Variants in PIBF1 observed in about 807,000 individuals in gnomAD.
The protein encoded by PIBF1 is progesterone immunomodulatory binding factor 1, also known as progesterone-induced-blocking factor 1.
In PIBF1, 90 loss-of-function variants were observed where a neutral mutation model predicts 112.5. The observed-to-expected ratio is 0.80, with a 90% confidence interval of 0.67 to 0.95. The LOEUF is 0.95. PIBF1 is among the 40% of genes least tolerant of loss of function. PIBF1 has a pLI of 0.00. For missense variants in PIBF1, 915 were observed against 852.3 expected, an observed-to-expected ratio of 1.07 and a Z score of -0.92; for synonymous variants, 301 against 288.6, an observed-to-expected ratio of 1.04 and a Z score of -0.44.
intron 14 of PIBF1, among the ~76,000 whole-genome samples, chr13:72,933,480 G>A (rs2041773149): frequency 6.6e-6 from 1 of 152,184 alleles, no homozygotes; most frequent in Non-Finnish European, 1.5e-5. Context: ...TGGCCAACAT[G>A]GTGGAACCCT....
At chr13:72,797,388 C>T (rs1204443044) in intron 4 of PIBF1, among the ~76,000 whole-genome samples, 3 of 152,120 alleles carry the variant, frequency 2.0e-5, no homozygotes, top group Non-Finnish European at 4.4e-5. Flanking sequence ...TGTAGAATAT[C>T]TGTTTGTCAA....
At chr13:72,813,457 G>A (rs551749806) in intron 5 of PIBF1, among the ~76,000 whole-genome samples, 1 of 152,244 alleles carries the variant, frequency 6.6e-6, no homozygotes, top group South Asian at 2.1e-4. Flanking sequence ...TTTATTATTT[G>A]TCACAGCTCT....
chr13:72,931,708 T>G lies in PIBF1; in HGVS notation c.1833+441T>G, dbSNP rs189921947. ...GCTTCTTTTTCTTAGCCTTATGTCA[T>G]TTAAACTACGTATATATATATATAT... On this transcript the variant is annotated intron_variant, in intron 14 of 17. Coordinates refer to ENST00000326291, the MANE Select transcript of PIBF1 (RefSeq NM_006346.4). 7.1e-5 allele frequency among the ~76,000 whole-genome samples: 5 copies of G among 70,268 alleles called. No individual in the cohort carries two copies. In the East Asian group the frequency reaches 2.9e-3, roughly 40 times the overall value. 46.1% of individuals were successfully genotyped at this position (70,268 alleles called of 152,430 possible). A position where few individuals can be genotyped will look rare whatever the true frequency, so the allele number is the denominator to read the frequency against.
At chr13:72,863,808 A>G (rs2038810220) in intron 10 of PIBF1, among the ~76,000 whole-genome samples, 1 of 152,246 alleles carries the variant, frequency 6.6e-6, no homozygotes, top group Non-Finnish European at 1.5e-5. Context: ...CACTATGTAC[A>G]CAATAAAGAT....
chr13:72,851,299 G>A lies in PIBF1; in HGVS notation c.1224-2758G>A, dbSNP rs192342545. ...GGCCTAGGGAGCCCCCTTCCCCCAC[G>A]GGTTCAGAAATGCCTGTTCCCGCTG... On this transcript the variant is annotated intron_variant, in intron 9 of 17. Transcript: ENST00000326291. Among the ~76,000 whole-genome samples the A allele has an allele frequency of 5.7e-3, 875 of 152,282 alleles. 5 individuals carry two copies. Among genetic ancestry groups the A allele is most frequent in the Non-Finnish European group, 9.2e-3 (629 of 68,016 alleles).
chr13:72,816,076 A>T (rs1446966934), intron 5 of PIBF1, among the ~76,000 whole-genome samples: 2 of 152,206 alleles, frequency 1.3e-5, no homozygotes, highest in African/African-American at 4.8e-5. Flanking sequence ...GCCTCCTAAT[A>T]CATCAGTGTA....
intron 7 of PIBF1, among the ~76,000 whole-genome samples, chr13:72,827,379 G>T (rs1041164346): frequency 1.8e-4 from 27 of 150,414 alleles, no homozygotes; most frequent in Non-Finnish European, 3.5e-4. Context: ...CTCCTGAATA[G>T]CTGGGATTAC....
chr13:72,808,342 G>A (rs1806404977), intron 5 of PIBF1, among the ~76,000 whole-genome samples: 1 of 152,096 alleles, frequency 6.6e-6, no homozygotes, highest in African/African-American at 2.4e-5. Flanking sequence ...GGTCACCTTG[G>A]AGTTGATCTC....
At chr13:72,976,190 G>A (rs778576747) in intron 16 of PIBF1, among the ~76,000 whole-genome samples, 1 of 152,148 alleles carries the variant, frequency 6.6e-6, no homozygotes, top group Non-Finnish European at 1.5e-5. Flanking sequence ...TTGAGCACAG[G>A]AGTTTGAGAC....
chr13:72,794,042 A>G (rs1458535750), intron 3 of PIBF1, among the ~76,000 whole-genome samples: 1 of 152,194 alleles, frequency 6.6e-6, no homozygotes. Flanking sequence ...GTACTCCAAC[A>G]TTAAGACAAA....
rs1223371283 is a variant in PIBF1 at position 72,835,244 on chromosome 13, G to C, written c.1099G>C (p.Asp367His). 4.5e-6 allele frequency: 7 copies of C among 1,558,194 alleles called. No individual in the cohort carries two copies. The highest frequency in any genetic ancestry group is 6.0e-6 in the Non-Finnish European group (7 of 1,159,794). ...GTTGTTCCTTTTCACTCCTTGCAGA[G>C]ACCATTATAAAACAGAATATGAAAA... ...EMYEKYVASR[D>H]HYKTEYENKL... Residue 367 changes from aspartate (D) to histidine (H), a missense_variant and splice_region_variant, in exon 9 of 18, where the codon GAC becomes CAC. Physicochemically the swap from Asp to His is moderately conservative, Grantham distance 81. Coordinates refer to ENST00000326291, the MANE Select transcript of PIBF1 (RefSeq NM_006346.4).
At position 72,871,593 on chromosome 13, in the gene PIBF1, C is replaced by T. The variant is rs112755988; in HGVS notation, c.1322+17438C>T. 7.2e-3 allele frequency among the ~76,000 whole-genome samples: 1,091 copies of T among 152,212 alleles called. 23 individuals carry two copies. Among genetic ancestry groups the T allele is most frequent in the African/African-American group, 0.025 (1,025 of 41,544 alleles). On this transcript the variant is annotated intron_variant, in intron 10 of 17. Coordinates refer to ENST00000326291, the MANE Select transcript of PIBF1 (RefSeq NM_006346.4). ...TGCTGAGATTACAGACGTGAGCCTC[C>T]GCGACCAGCCTCAAGTGATCTTTCT...
intron 16 of PIBF1, among the ~76,000 whole-genome samples, chr13:72,985,791 A>G (rs2043270725): frequency 6.6e-6 from 1 of 152,132 alleles, no homozygotes; most frequent in Non-Finnish European, 1.5e-5. Context: ...TAGGGTTTAA[A>G]GTCTGAAGTT....
chr13:72,903,425 T>C (rs908315702), intron 11 of PIBF1, among the ~76,000 whole-genome samples: 4 of 152,180 alleles, frequency 2.6e-5, no homozygotes, highest in African/African-American at 9.7e-5. Flanking sequence ...TTTTAAGAAA[T>C]GATTCCTATC....
chr13:72,815,096 A>G (rs768580227), intron 5 of PIBF1, among the ~76,000 whole-genome samples: 1 of 152,246 alleles, frequency 6.6e-6, no homozygotes, highest in Non-Finnish European at 1.5e-5. Flanking sequence ...TATACCCACT[A>G]TTGAAAAAGA....
intron 14 of PIBF1, among the ~76,000 whole-genome samples, chr13:72,956,625 C>T (rs1175592060): frequency 6.6e-6 from 1 of 152,170 alleles, no homozygotes; most frequent in Non-Finnish European, 1.5e-5. Context: ...ACACAATTCT[C>T]CCTGGCTCTC....
intron 13 of PIBF1, among the ~76,000 whole-genome samples, chr13:72,918,027 A>G (rs1340469359): frequency 6.6e-6 from 1 of 152,152 alleles, no homozygotes; most frequent in Non-Finnish European, 1.5e-5. Context: ...AGAAAATTAT[A>G]CCTACATTAA....
intron 14 of PIBF1, among the ~76,000 whole-genome samples, chr13:72,944,306 G>A (rs2042089702): frequency 6.6e-6 from 1 of 151,944 alleles, no homozygotes; most frequent in Non-Finnish European, 1.5e-5. Context: ...AATTAGCTGG[G>A]CGTGGTTGTG....
rs368354961 is a variant in PIBF1 at position 72,792,477 on chromosome 13, G to C, written c.283G>C (p.Ala95Pro). The change falls in exon 3 of 18, where the codon GCA (alanine) becomes CCA (proline). Residue 95 changes from alanine (A) to proline (P), a missense_variant. Ala to Pro is a conservative substitution (Grantham distance 27). Coordinates refer to ENST00000326291, the MANE Select transcript of PIBF1 (RefSeq NM_006346.4). ...AGAATTGGAGGAGAAACTTAATGATGCACTTCACCAGAAGCAGCTACTAAC... is the reference window on the plus strand; with the variant it reads ...AGAATTGGAGGAGAAACTTAATGATCCACTTCACCAGAAGCAGCTACTAAC... ...IEELEEKLND[A>P]LHQKQLLTLR... is the part of the protein sequence containing the mutation. 1 of 1,572,942 alleles carries C rather than the reference G, an allele frequency of 6.4e-7. No individual in the cohort carries two copies. Among genetic ancestry groups the C allele is most frequent in the Non-Finnish European group, 8.6e-7 (1 of 1,162,732 alleles).
Sources: gnomAD v4.1 joint callset for allele counts (sites outside exome capture counted in the v4.1 genomes callset) on GRCh38, gnomAD v4.1.1 for gene constraint, MANE v1.5 for transcripts, NCBI Gene and HGNC (gene_info 2026-07-23, HGNC 2026-07-21) for gene names.